Variants in VTI1A observed in about 807,000 individuals in gnomAD.
VTI1A encodes vesicle transport through interaction with t-SNAREs 1A.
VTI1A carries 22 observed loss-of-function variants against 34.9 expected under a neutral mutation model. The ratio of observed to expected loss-of-function variants is 0.63; its 90% CI spans 0.45 to 0.90. The LOEUF (loss-of-function observed/expected upper bound fraction) is 0.90, where lower values mean the gene tolerates loss of function less well. Among genes scored for constraint, VTI1A ranks in the 40% least tolerant of loss-of-function variants. The pLI, the probability that VTI1A is intolerant of heterozygous loss-of-function variation, is 0.00. For synonymous variants in VTI1A, 87 were observed against 97.3 expected, an observed-to-expected ratio of 0.89 and a Z score of 0.62; for missense variants, 268 against 275.6, an observed-to-expected ratio of 0.97 and a Z score of 0.20.
Position 112,497,645 on chromosome 10 carries a change from A to G in VTI1A, c.265-29442A>G, listed in dbSNP as rs141969050. Among the ~76,000 whole-genome samples, 47 of 152,346 alleles carry G rather than the reference A, an allele frequency of 3.1e-4. No homozygotes were observed. In the East Asian group the frequency reaches 9.1e-3, roughly 29 times the overall value. On this transcript the variant is annotated intron_variant, in intron 3 of 7. Coordinates refer to ENST00000393077, the MANE Select transcript of VTI1A (RefSeq NM_145206.4). ...AACTTGCTGAATTTCAGAGTAAAAT[A>G]TAATCTAAATTAGGCCAAACTTTCC...
intron 2 of VTI1A, 76 bp downstream of exon 2, chr10:112,460,658 T>C: frequency 8.4e-7 from 1 of 1,189,538 alleles, no homozygotes; most frequent in Non-Finnish European, 1.1e-6. Flanking sequence ...GCCTGTTTTA[T>C]ACATTGTGGA....
intron 3 of VTI1A, among the ~76,000 whole-genome samples, chr10:112,481,439 G>A (rs1250026049): frequency 6.6e-6 from 1 of 152,248 alleles, no homozygotes; most frequent in South Asian, 2.1e-4. Context: ...CAATGCCAAT[G>A]GAATGTCTTC....
chr10:112,766,695 G>C (rs1851657461), intron 7 of VTI1A, among the ~76,000 whole-genome samples: 1 of 152,236 alleles, frequency 6.6e-6, no homozygotes. Flanking sequence ...CCATAGGGAA[G>C]AGAAAGTGAT....
chr10:112,536,191 T>C (rs991698692), intron 4 of VTI1A, among the ~76,000 whole-genome samples: 1 of 152,032 alleles, frequency 6.6e-6, no homozygotes, highest in Non-Finnish European at 1.5e-5. Context: ...TGTTTTCTTT[T>C]AATTTTGGGA....
intron 7 of VTI1A, among the ~76,000 whole-genome samples, chr10:112,801,840 A>G (rs1286690476): frequency 6.6e-6 from 1 of 152,240 alleles, no homozygotes; most frequent in Admixed American, 6.5e-5. Context: ...AAGCTGATGA[A>G]ATATGCTGCA....
At chr10:112,476,443 T>G (rs1848279888) in intron 3 of VTI1A, among the ~76,000 whole-genome samples, 1 of 152,190 alleles carries the variant, frequency 6.6e-6, no homozygotes, top group Admixed American at 6.5e-5. Flanking sequence ...GCTAATTGAT[T>G]TTTAAATGAA....
At chr10:112,849,960 C>T in the VTI1A span, among the ~76,000 whole-genome samples, 1 of 152,110 alleles carries the variant, frequency 6.6e-6, no homozygotes, top group Non-Finnish European at 1.5e-5. Flanking sequence ...GGAAGGCGTC[C>T]CGGCCCTCAC....
intron 7 of VTI1A, among the ~76,000 whole-genome samples, chr10:112,783,098 G>A (rs76687357): frequency 0.02 from 3,084 of 152,154 alleles, 112 homozygotes; most frequent in African/African-American, 0.071. Flanking sequence ...TGATTCTGAA[G>A]CCATAATTAA....
intron 7 of VTI1A, among the ~76,000 whole-genome samples, chr10:112,805,533 G>A (rs944708740): frequency 6.6e-5 from 10 of 152,194 alleles, no homozygotes; most frequent in African/African-American, 2.4e-4. Context: ...ATATGTCGAA[G>A]TACTAACCTC....
intron 3 of VTI1A, among the ~76,000 whole-genome samples, chr10:112,502,150 T>G (rs1029306583): frequency 6.6e-6 from 1 of 151,332 alleles, no homozygotes; most frequent in Non-Finnish European, 1.5e-5. Context: ...ACCTCGGCAT[T>G]TTGAGTAGCT....
At chr10:112,636,571 A>G (rs990479376) in intron 5 of VTI1A, among the ~76,000 whole-genome samples, 1 of 152,118 alleles carries the variant, frequency 6.6e-6, no homozygotes, top group Non-Finnish European at 1.5e-5. Flanking sequence ...TAAAAAAAAT[A>G]TATAAAAATT....
chr10:112,567,426 T>C (rs1221073866), intron 5 of VTI1A, among the ~76,000 whole-genome samples: 3 of 152,234 alleles, frequency 2.0e-5, no homozygotes, highest in Non-Finnish European at 4.4e-5. Flanking sequence ...TGTGAAAATT[T>C]ATTATTGCTC....
intron 4 of VTI1A, among the ~76,000 whole-genome samples, chr10:112,531,725 A>G (rs1053781094): frequency 6.6e-6 from 1 of 152,194 alleles, no homozygotes; most frequent in African/African-American, 2.4e-5. Flanking sequence ...CCCTTTAAGT[A>G]TCATAGTCAA....
intron 3 of VTI1A, among the ~76,000 whole-genome samples, chr10:112,475,849 A>G (rs1056368879): frequency 6.6e-6 from 1 of 152,212 alleles, no homozygotes. Flanking sequence ...AAAAGAAACT[A>G]TGGTAGTAAC....
chr10:112,665,416 G>A (rs1023852149), intron 5 of VTI1A, among the ~76,000 whole-genome samples: 1 of 152,068 alleles, frequency 6.6e-6, no homozygotes, highest in African/African-American at 2.4e-5. Flanking sequence ...GCATTAAAAT[G>A]GAAGATAGCA....
At chr10:112,618,997 T>C (rs1845628326) in intron 5 of VTI1A, among the ~76,000 whole-genome samples, 1 of 151,650 alleles carries the variant, frequency 6.6e-6, no homozygotes, top group Admixed American at 6.6e-5. Flanking sequence ...AGATGATGTC[T>C]GGGAGAATCT....
Position 112,569,442 on chromosome 10 carries a change from A to G in VTI1A, c.427+31112A>G, listed in dbSNP as rs190229867. 1.1e-4 allele frequency among the ~76,000 whole-genome samples: 17 copies of G among 152,346 alleles called. No individual in the cohort carries two copies. The East Asian group carries it at 3.3e-3, about 29-fold the overall frequency. The stretch of plus-strand genomic sequence containing the variant: ...TTTTTCATTATCACATGCTAAAGAT[A>G]AAGTGTTTAATTATGCCAATTGACT... On this transcript the variant is annotated intron_variant, in intron 5 of 7. Transcript: ENST00000393077.
chr10:112,582,450 G>A (rs1356993446), intron 5 of VTI1A, among the ~76,000 whole-genome samples: 4 of 152,076 alleles, frequency 2.6e-5, no homozygotes, highest in Non-Finnish European at 5.9e-5. Flanking sequence ...CAGCCCCCAA[G>A]GTCGCTGTTA....
chr10:112,556,285 T>C (rs1418614265), intron 5 of VTI1A, among the ~76,000 whole-genome samples: 1 of 152,022 alleles, frequency 6.6e-6, no homozygotes, highest in Non-Finnish European at 1.5e-5. Context: ...CATCGTTGTT[T>C]TGTATATTAA....
Sources: allele counts gnomAD v4.1 joint callset (sites outside exome capture counted in the v4.1 genomes callset), GRCh38; gene constraint gnomAD v4.1.1; transcripts MANE v1.5; gene names NCBI Gene and HGNC (gene_info 2026-07-23, HGNC 2026-07-21).